The following ANTXR2 variants were observed in gnomAD, a reference collection of about 807,000 sequenced individuals.
ANTXR2 encodes the protein anthrax toxin receptor 2.
ANTXR2 carries 44 observed loss-of-function variants against 73.7 expected under a neutral mutation model. The observed-to-expected ratio is 0.60, with a 90% CI of 0.47 to 0.77. ANTXR2 has a LOEUF of 0.77. ANTXR2 is among the 30% of genes least tolerant of loss of function. The pLI, the probability that ANTXR2 is intolerant of heterozygous loss-of-function variation, is 0.00. For synonymous variants in ANTXR2, 217 were observed against 205.9 expected (o/e 1.05, Z -0.46); for missense variants, 604 against 592.5 (o/e 1.02, Z -0.20).
chr4:79,915,555 TA>T (rs1055330424), intron 16 of ANTXR2, among the ~76,000 whole-genome samples: 1 of 152,170 alleles, frequency 6.6e-6, no homozygotes, highest in African/African-American at 2.4e-5. Context: ...GATTTATTTA[TA>T]AATCACTTCT....
chr4:79,918,798 TAAAG>T (rs1446335436), intron 16 of ANTXR2, among the ~76,000 whole-genome samples: 1 of 151,518 alleles, frequency 6.6e-6, no homozygotes, highest in Non-Finnish European at 1.5e-5. Context: ...GTAATATAAA[TAAAG>T]AAAATAAATT....
Position 79,980,948 on chromosome 4 carries a change from G to A in ANTXR2, c.1180-2774C>T, listed in dbSNP as rs909264991. Among the ~76,000 whole-genome samples the A allele has an allele frequency of 9.9e-5, 14 of 141,318 alleles. No individual in the cohort carries two copies. In the South Asian group the frequency reaches 2.0e-3, roughly 20 times the overall value. The allele number at this position is 141,318 out of a possible 152,430, so 92.7% of individuals were successfully genotyped here. ...AAAAAAAAAAAAAAAAAAAAGAGAA[G>A]TACCTTCCAGGTTTGAATAAGCATG... On this transcript the variant is annotated intron_variant, in intron 14 of 16. Coordinates refer to ENST00000403729, the MANE Select transcript of ANTXR2 (RefSeq NM_058172.6).
intron 3 of ANTXR2, among the ~76,000 whole-genome samples, chr4:80,060,306 G>C (rs993040382): frequency 3.3e-5 from 5 of 152,170 alleles, no homozygotes; most frequent in African/African-American, 1.2e-4. Flanking sequence ...TGTTGGGTCA[G>C]GGTTATCACT....
At chr4:79,964,329 GTAATGCATCATTTA>G (rs1233645731) in intron 16 of ANTXR2, among the ~76,000 whole-genome samples, 3 of 152,144 alleles carry the variant, frequency 2.0e-5, no homozygotes. Flanking sequence ...AGAACGCATG[GTAATGCATCATTTA>G]TAAATTACCT....
At chr4:79,907,937 T>C (rs1726984636) in intron 16 of ANTXR2, among the ~76,000 whole-genome samples, 1 of 152,182 alleles carries the variant, frequency 6.6e-6, no homozygotes, top group African/African-American at 2.4e-5. Flanking sequence ...AATTCCCTTT[T>C]ATGAAGGATT....
At chr4:80,027,803 G>A (rs192739390) in intron 10 of ANTXR2, among the ~76,000 whole-genome samples, 12 of 152,212 alleles carry the variant, frequency 7.9e-5, no homozygotes, top group Admixed American at 7.9e-4. Flanking sequence ...GAACAGCTGT[G>A]CTATTGTTGA....
intron 16 of ANTXR2, among the ~76,000 whole-genome samples, chr4:79,954,795 G>A (rs370608866): frequency 6.6e-6 from 1 of 152,158 alleles, no homozygotes; most frequent in African/African-American, 2.4e-5. Flanking sequence ...AGAGGCCAGA[G>A]GTCAGAGGCT....
At chr4:79,915,433 A>C (rs1312193188) in intron 16 of ANTXR2, among the ~76,000 whole-genome samples, 1 of 152,116 alleles carries the variant, frequency 6.6e-6, no homozygotes, top group Non-Finnish European at 1.5e-5. Flanking sequence ...TCTGCACAGG[A>C]TGTATTTCAC....
At chr4:80,040,508 T>G (rs35177100) in intron 7 of ANTXR2, among the ~76,000 whole-genome samples, 25,901 of 152,028 alleles carry the variant, frequency 0.17, 3,486 homozygotes, top group African/African-American at 0.38. Flanking sequence ...GAGAGAAAAT[T>G]GTAAGGACTT....
intron 7 of ANTXR2, among the ~76,000 whole-genome samples, chr4:80,046,066 C>T (rs1733502016): frequency 6.6e-6 from 1 of 151,692 alleles, no homozygotes; most frequent in Non-Finnish European, 1.5e-5. Flanking sequence ...GCACACATGA[C>T]AAATTTCTAA....
At chr4:79,983,804 A>T in intron 14 of ANTXR2, 74 bp downstream of exon 14, 2 of 1,113,870 alleles carry the variant, frequency 1.8e-6, no homozygotes, top group Non-Finnish European at 2.7e-6. Context: ...TGTGAAAAGT[A>T]GTTTCTATGG....
intron 16 of ANTXR2, among the ~76,000 whole-genome samples, chr4:79,974,645 A>G (rs974539264): frequency 7.9e-5 from 12 of 151,912 alleles, no homozygotes; most frequent in African/African-American, 2.2e-4. Context: ...GATGCTTTAC[A>G]TAATATTTGA....
intron 3 of ANTXR2, among the ~76,000 whole-genome samples, chr4:80,066,426 A>G (rs1734496867): frequency 6.6e-6 from 1 of 152,248 alleles, no homozygotes; most frequent in African/African-American, 2.4e-5. Context: ...AGTGAAATTT[A>G]TTAAAACTTA....
intron 16 of ANTXR2, among the ~76,000 whole-genome samples, chr4:79,946,127 A>G (rs1048643807): frequency 6.6e-6 from 1 of 152,154 alleles, no homozygotes; most frequent in African/African-American, 2.4e-5. Flanking sequence ...GTTGTTATAT[A>G]ACGATCCCCA....
Position 79,933,020 on chromosome 4 carries a change from C to A in ANTXR2, c.1429-25553G>T, listed in dbSNP as rs530359917. Among the ~76,000 whole-genome samples, 265 of 152,086 alleles carry A rather than the reference C, an allele frequency of 1.7e-3. 1 individual carries two copies. Among genetic ancestry groups the A allele is most frequent in the South Asian group, 2.9e-3 (14 of 4,822 alleles). ...TCTCCATCATAAGCCTATTTATTTTCTCCTTAACAATACCCCCACTTAAAA... is the reference window on the plus strand; with the variant it reads ...TCTCCATCATAAGCCTATTTATTTTATCCTTAACAATACCCCCACTTAAAA... On this transcript the variant is annotated intron_variant, in intron 16 of 16. Transcript: ENST00000403729.
At chr4:80,015,871 GAA>G (rs1560993449) in intron 11 of ANTXR2, among the ~76,000 whole-genome samples, 32 of 44,512 alleles carry the variant, frequency 7.2e-4, no homozygotes, top group Middle Eastern at 5.5e-3. Flanking sequence ...GAAAGGAAAG[GAA>G]AGGAAAGGAA....
chr4:80,020,811 C>A (rs1053091352), intron 10 of ANTXR2, among the ~76,000 whole-genome samples: 1 of 152,122 alleles, frequency 6.6e-6, no homozygotes, highest in Non-Finnish European at 1.5e-5. Flanking sequence ...TATAGAAATA[C>A]TTCTATTAAA....
chr4:80,056,177 TTAG>T (rs1174894389), intron 3 of ANTXR2, among the ~76,000 whole-genome samples, 164 bp from the exon 4 acceptor site: 3 of 151,946 alleles, frequency 2.0e-5, no homozygotes, highest in Non-Finnish European at 4.4e-5. Context: ...TTTTGTAATT[TTAG>T]TAAGTATTTA....
At chr4:79,976,663 G>A (rs559745302) in intron 16 of ANTXR2, among the ~76,000 whole-genome samples, 1 of 152,346 alleles carries the variant, frequency 6.6e-6, no homozygotes, top group Admixed American at 6.5e-5. Context: ...TCCACAGGGA[G>A]TAGTACCTCT....
Sources: allele counts gnomAD v4.1 joint callset (sites outside exome capture counted in the v4.1 genomes callset), GRCh38; gene constraint gnomAD v4.1.1; transcripts MANE v1.5; gene names NCBI Gene and HGNC (gene_info 2026-07-23, HGNC 2026-07-21).